Variants in ATE1 observed in about 807,000 individuals in gnomAD.
ATE1 encodes arginyl-tRNA--protein transferase 1.
Under a neutral mutation model 70.5 loss-of-function variants are expected in ATE1, and 36 were observed. The observed-to-expected ratio is 0.51, with a 90% CI of 0.39 to 0.67. ATE1 has a LOEUF of 0.67. Among genes scored for constraint, ATE1 ranks in the 30% least tolerant of loss-of-function variants. The probability of loss-of-function intolerance (pLI) is 0.00; values close to 1 mark genes in which losing one functional copy is unlikely to be tolerated. For missense variants in ATE1, 593 were observed against 629.5 expected, an observed-to-expected ratio of 0.94 and a Z score of 0.62; for synonymous variants, 232 against 219.3, an observed-to-expected ratio of 1.06 and a Z score of -0.51.
intron 7 of ATE1, among the ~76,000 whole-genome samples, chr10:121,873,243 A>AT (rs1285280428): frequency 1.3e-5 from 2 of 152,186 alleles, no homozygotes; most frequent in South Asian, 2.1e-4. Flanking sequence ...CAAGTCTTGA[A>AT]TTTTTTTTAA....
chr10:121,905,680 TAAAAATACAA>T, intron 5 of ATE1, among the ~76,000 whole-genome samples: 1 of 152,134 alleles, frequency 6.6e-6, no homozygotes, highest in East Asian at 1.9e-4. Context: ...CTGTCTCTAC[TAAAAATACAA>T]AAAAATCAGC....
At chr10:121,765,350 G>GT (rs1945235580) in intron 11 of ATE1, among the ~76,000 whole-genome samples, 1 of 152,090 alleles carries the variant, frequency 6.6e-6, no homozygotes, top group Non-Finnish European at 1.5e-5. Flanking sequence ...AAGAAAATAC[G>GT]TAAGAAACAC....
intron 8 of ATE1, among the ~76,000 whole-genome samples, chr10:121,865,601 C>A (rs1364545613): frequency 6.6e-6 from 1 of 152,172 alleles, no homozygotes; most frequent in African/African-American, 2.4e-5. Context: ...AGGCCGGGGT[C>A]CGGTGTAAGC....
intron 11 of ATE1, among the ~76,000 whole-genome samples, chr10:121,781,369 C>T (rs1290052307): frequency 2.6e-5 from 4 of 152,134 alleles, no homozygotes; most frequent in South Asian, 2.1e-4. Flanking sequence ...GTATTTGTCA[C>T]GTACACACTC....
At chr10:121,927,100 C>A in intron 1 of ATE1, 1 of 985,352 alleles carries the variant, frequency 1.0e-6, no homozygotes, top group Non-Finnish European at 1.2e-6. Context: ...TTGGCAAATG[C>A]ATGGCAAGAG....
chr10:121,789,386 C>T (rs561981784), intron 11 of ATE1, among the ~76,000 whole-genome samples: 37 of 150,250 alleles, frequency 2.5e-4, no homozygotes, highest in African/African-American at 8.8e-4. Context: ...GAAACCTCCA[C>T]CTCCCAGGTT....
chr10:121,793,017 A>T (rs1339838908), intron 10 of ATE1, among the ~76,000 whole-genome samples: 1 of 152,234 alleles, frequency 6.6e-6, no homozygotes, highest in African/African-American at 2.4e-5. Flanking sequence ...TTGACAAAAC[A>T]TATATTTAAA....
In ATE1 at chr10:121,790,309, A is replaced by T. The variant is rs369494461; in HGVS notation, c.1258-20T>A. ...CTGACCCTGAAGAAAAGTGAAGGAA[A>T]AAGGCACAGGCATTATTAACACAGC... On this transcript the variant is annotated intron_variant, in intron 10 of 11. Coordinates refer to ENST00000224652, the MANE Select transcript of ATE1 (RefSeq NM_001001976.3). The T allele has an allele frequency of 1.9e-6, 3 of 1,612,030 alleles. No homozygotes were observed. The African/African-American group carries it at 4.0e-5, about 22-fold the overall frequency.
At chr10:121,892,560 G>C (rs926073401) in intron 7 of ATE1, among the ~76,000 whole-genome samples, 7 of 149,148 alleles carry the variant, frequency 4.7e-5, no homozygotes, top group Admixed American at 6.8e-5. Flanking sequence ...AGGTTGGAGC[G>C]CAATGGCACC....
At chr10:121,891,109 G>C (rs1950563171) in intron 7 of ATE1, among the ~76,000 whole-genome samples, 1 of 152,202 alleles carries the variant, frequency 6.6e-6, no homozygotes, top group East Asian at 1.9e-4. Flanking sequence ...CAAAGAAAGA[G>C]AAAAGGCTTC....
At chr10:121,922,507 A>C (rs1951921829) in intron 2 of ATE1, 96 bp from the exon 3 acceptor site, 2 of 736,092 alleles carry the variant, frequency 2.7e-6, no homozygotes, top group African/African-American at 1.8e-5. Flanking sequence ...TTAAAAATCT[A>C]ATCAACATTG....
chr10:121,794,525 G>A (rs902020121), intron 10 of ATE1, among the ~76,000 whole-genome samples: 2 of 90,268 alleles, frequency 2.2e-5, no homozygotes, highest in Admixed American at 2.2e-4. Context: ...AATATCTCTT[G>A]AGCCCAGGAG....
chr10:121,915,496 G>A (rs532514994), intron 3 of ATE1, among the ~76,000 whole-genome samples: 6 of 152,170 alleles, frequency 3.9e-5, no homozygotes, highest in South Asian at 2.1e-4. Context: ...AAGATGGGAC[G>A]AGCCCCCAGA....
intron 8 of ATE1, among the ~76,000 whole-genome samples, chr10:121,855,550 A>G (rs551284176): frequency 1.3e-5 from 2 of 152,176 alleles, no homozygotes; most frequent in South Asian, 4.1e-4. Flanking sequence ...AGCCTTCTAC[A>G]TGTTTCTGCA....
chr10:121,909,434 TA>T (rs1372966795), intron 5 of ATE1, among the ~76,000 whole-genome samples: 3 of 152,252 alleles, frequency 2.0e-5, no homozygotes, highest in African/African-American at 7.2e-5. Context: ...GTATTGTGAA[TA>T]TTTTTTTTAA....
intron 5 of ATE1, 122 bp downstream of exon 5, chr10:121,910,784 G>C: frequency 1.6e-6 from 2 of 1,289,308 alleles, no homozygotes; most frequent in Non-Finnish European, 2.2e-6. Context: ...ACAAAGCAGG[G>C]TTCTGTTTTA....
chr10:121,756,599 C>T (rs1353662876), intron 11 of ATE1, among the ~76,000 whole-genome samples: 1 of 152,234 alleles, frequency 6.6e-6, no homozygotes, highest in Non-Finnish European at 1.5e-5. Flanking sequence ...CAGAGGTTCC[C>T]AAACCCCAAT....
chr10:121,828,651 G>C (rs1456632627), intron 10 of ATE1, among the ~76,000 whole-genome samples: 1 of 152,172 alleles, frequency 6.6e-6, no homozygotes, highest in Non-Finnish European at 1.5e-5. Context: ...CTAGGATTAG[G>C]AAAACAGCCT....
chr10:121,881,169 A>G (rs1298836544), intron 7 of ATE1, among the ~76,000 whole-genome samples: 1 of 152,230 alleles, frequency 6.6e-6, no homozygotes, highest in Non-Finnish European at 1.5e-5. Context: ...CAATTTGGCA[A>G]CAACTGAATT....
Sources: allele counts gnomAD v4.1 joint callset (sites outside exome capture counted in the v4.1 genomes callset), GRCh38; gene constraint gnomAD v4.1.1; transcripts MANE v1.5; gene names NCBI Gene and HGNC (gene_info 2026-07-23, HGNC 2026-07-21).